The following RFTN1 variants were observed in gnomAD, a reference collection of about 807,000 sequenced individuals.
RFTN1 encodes raftlin.
Under a neutral mutation model 46.5 loss-of-function variants are expected in RFTN1, and 26 were observed. The observed-to-expected ratio is 0.56, with a 90% CI of 0.41 to 0.78. The LOEUF (loss-of-function observed/expected upper bound fraction) is 0.78, where lower values mean the gene tolerates loss of function less well. Among genes scored for constraint, RFTN1 ranks in the 30% least tolerant of loss-of-function variants. The pLI is 0.00. For synonymous variants in RFTN1, 261 were observed against 284.2 expected, an observed-to-expected ratio of 0.92 and a Z score of 0.82; for missense variants, 693 against 718.7, an observed-to-expected ratio of 0.96 and a Z score of 0.41.
chr3:16,476,757 T>C (rs181252669), intron 2 of RFTN1, among the ~76,000 whole-genome samples: 3 of 152,188 alleles, frequency 2.0e-5, no homozygotes, highest in Non-Finnish European at 4.4e-5. Flanking sequence ...TGGGGGAAAC[T>C]GTTTGTTTAC....
At chr3:16,469,576 G>C (rs2076158256) in intron 2 of RFTN1, among the ~76,000 whole-genome samples, 1 of 152,176 alleles carries the variant, frequency 6.6e-6, no homozygotes, top group Non-Finnish European at 1.5e-5. Flanking sequence ...ACGCAAAGTG[G>C]GACTCCAGGA....
intron 8 of RFTN1, among the ~76,000 whole-genome samples, chr3:16,324,604 A>G (rs1386643745): frequency 8.3e-6 from 1 of 121,186 alleles, no homozygotes; most frequent in Non-Finnish European, 1.7e-5. Flanking sequence ...AAATAACAGA[A>G]TGTCCCTGAC....
chr3:16,462,829 A>G (rs1335689098), intron 2 of RFTN1, among the ~76,000 whole-genome samples: 2 of 152,228 alleles, frequency 1.3e-5, no homozygotes, highest in Non-Finnish European at 2.9e-5. Flanking sequence ...TTAAACTACA[A>G]CTTGCAGATG....
chr3:16,483,076 C>CT lies in RFTN1; in HGVS notation c.145+10648dup, dbSNP rs1422254900. Among the ~76,000 whole-genome samples the CT allele has an allele frequency of 1.3e-5, 2 of 152,192 alleles. No homozygotes were observed. The highest frequency in any genetic ancestry group is 4.8e-5 in the African/African-American group (2 of 41,438). ...GAAAAAATGCCATCAACGTCAGTGA[C>CT]TGTATGCTCAGTTCTGCTGAAGAGC... On this transcript the variant is annotated intron_variant, in intron 2 of 9. Coordinates refer to ENST00000334133, the MANE Select transcript of RFTN1 (RefSeq NM_015150.2). The surrounding 1 kb of genome is among the most constrained non-coding windows in gnomAD (Gnocchi z 4.8).
At chr3:16,377,370 G>A (rs2073815266) in intron 5 of RFTN1, among the ~76,000 whole-genome samples, 1 of 152,106 alleles carries the variant, frequency 6.6e-6, no homozygotes, top group Non-Finnish European at 1.5e-5. Context: ...GTTTTCATCG[G>A]TGCCTGGCAG....
chr3:16,328,486 C>T (rs1192939113), intron 7 of RFTN1, among the ~76,000 whole-genome samples: 1 of 152,240 alleles, frequency 6.6e-6, no homozygotes, highest in Non-Finnish European at 1.5e-5. Context: ...TTTAAAGCTT[C>T]TATAACTGGA....
At chr3:16,471,398 C>T (rs963027113) in intron 2 of RFTN1, among the ~76,000 whole-genome samples, 1 of 152,176 alleles carries the variant, frequency 6.6e-6, no homozygotes, top group Non-Finnish European at 1.5e-5. Context: ...AGTTACTTAG[C>T]CTCTCTGGAC....
At position 16,440,276 on chromosome 3, in the gene RFTN1, C is replaced by G. The variant is rs2075596065; in HGVS notation, c.146-6239G>C. ...TGCTCCCACACTGCCACAATCTTGG[C>G]TCACTGAAACCTCCGCCTTCTGGAC... On this transcript the variant is annotated intron_variant, in intron 2 of 9. Coordinates refer to ENST00000334133, the MANE Select transcript of RFTN1 (RefSeq NM_015150.2). This position sits in a 1 kb window ranked among gnomAD's most constrained non-coding sequence, Gnocchi z 4.6. Among the ~76,000 whole-genome samples the G allele has an allele frequency of 6.6e-6, 1 of 152,232 alleles. No individual in the cohort carries two copies. Among genetic ancestry groups the G allele is most frequent in the South Asian group, 2.1e-4 (1 of 4,830 alleles).
At chr3:16,391,259 A>C (rs966163884) in intron 4 of RFTN1, among the ~76,000 whole-genome samples, 1 of 152,222 alleles carries the variant, frequency 6.6e-6, no homozygotes, top group African/African-American at 2.4e-5. Flanking sequence ...ACCTCAGTTT[A>C]ATTCTATTTT....
chr3:16,394,150 TG>T (rs1450995740), intron 4 of RFTN1, among the ~76,000 whole-genome samples: 7 of 151,964 alleles, frequency 4.6e-5, no homozygotes, highest in African/African-American at 1.7e-4. Flanking sequence ...GAGGATCACT[TG>T]AGGCCAGAAA....
intron 7 of RFTN1, among the ~76,000 whole-genome samples, chr3:16,332,838 T>TCTACCTACCTAC (rs10662085): frequency 1.3e-5 from 2 of 151,300 alleles, no homozygotes; most frequent in African/African-American, 4.9e-5. Context: ...CATCGATTTA[T>TCTACCTACCTAC]CTACCTACCT....
At chr3:16,511,698 C>T (rs2076904999) in intron 1 of RFTN1, among the ~76,000 whole-genome samples, 1 of 151,966 alleles carries the variant, frequency 6.6e-6, no homozygotes, top group Non-Finnish European at 1.5e-5. Flanking sequence ...CAGGAACTCA[C>T]ATCACTCATG....
chr3:16,405,970 A>G (rs1359762951), intron 4 of RFTN1, among the ~76,000 whole-genome samples: 3 of 152,192 alleles, frequency 2.0e-5, no homozygotes, highest in Non-Finnish European at 4.4e-5. Flanking sequence ...GCTGCAATTA[A>G]CAAGTGTCAC....
At position 16,457,584 on chromosome 3, in the gene RFTN1, T is replaced by C. The variant is rs1285210356; in HGVS notation, c.146-23547A>G. Reference sequence around the variant, plus strand: ...AAACTTACCTCAAATACCACTTATTTAGTTCTGTAAATTTTAAGTAATAAA... The same window carrying C: ...AAACTTACCTCAAATACCACTTATTCAGTTCTGTAAATTTTAAGTAATAAA... On this transcript the variant is annotated intron_variant, in intron 2 of 9. Transcript: ENST00000334133. The surrounding 1 kb of genome is among the most constrained non-coding windows in gnomAD (Gnocchi z 4.2). Among the ~76,000 whole-genome samples, 1 of 152,244 alleles carries C rather than the reference T, an allele frequency of 6.6e-6. No individual in the cohort carries two copies. Among genetic ancestry groups the C allele is most frequent in the Non-Finnish European group, 1.5e-5 (1 of 68,042 alleles).
chr3:16,447,794 T>C lies in RFTN1; in HGVS notation c.146-13757A>G, dbSNP rs899379198. On this transcript the variant is annotated intron_variant, in intron 2 of 9. Coordinates refer to ENST00000334133, the MANE Select transcript of RFTN1 (RefSeq NM_015150.2). The surrounding 1 kb of genome is among the most constrained non-coding windows in gnomAD (Gnocchi z 5.9). ...CACCGTTGGCACAAGAAGGGAAAGA[T>C]GGATTTTTAATCAGGCAAAGGAATG... 2.6e-5 allele frequency among the ~76,000 whole-genome samples: 4 copies of C among 152,184 alleles called. No homozygotes were observed. The highest frequency in any genetic ancestry group is 4.4e-5 in the Non-Finnish European group (3 of 68,022).
At position 16,380,559 on chromosome 3, in the gene RFTN1, C is replaced by T. The variant is rs1375788685; in HGVS notation, c.442-2457G>A. Among the ~76,000 whole-genome samples the T allele has an allele frequency of 7.2e-5, 11 of 152,220 alleles. No individual in the cohort carries two copies. Among genetic ancestry groups the T allele is most frequent in the African/African-American group, 2.7e-4 (11 of 41,450 alleles). The stretch of plus-strand genomic sequence containing the variant: ...CCATCTTGTACTGCAAATTTATCCT[C>T]TAGGCCAGGGGTTCTCAAAGTGTGG... On this transcript the variant is annotated intron_variant, in intron 4 of 9. Coordinates refer to ENST00000334133, the MANE Select transcript of RFTN1 (RefSeq NM_015150.2). This position sits in a 1 kb window ranked among gnomAD's most constrained non-coding sequence, Gnocchi z 4.8.
chr3:16,345,788 C>CTGTGTGTGTGTGTGTGTG lies in RFTN1; in HGVS notation c.1146+12126_1146+12143dup, dbSNP rs370820242. On this transcript the variant is annotated intron_variant, in intron 7 of 9. Coordinates refer to ENST00000334133, the MANE Select transcript of RFTN1 (RefSeq NM_015150.2). This position sits in a 1 kb window ranked among gnomAD's most constrained non-coding sequence, Gnocchi z 5.2. Reference sequence around the variant, plus strand: ...TGAGCCAAAACCTTATAATAAATCTCTGTGTGTGTGTGTGTGTGTGTGTGT... The same window carrying CTGTGTGTGTGTGTGTGTG: ...TGAGCCAAAACCTTATAATAAATCTCTGTGTGTGTGTGTGTGTGTGTGTGTGTGTGTGTGTGTGTGTGT... Among the ~76,000 whole-genome samples, 195 of 127,194 alleles carry CTGTGTGTGTGTGTGTGTG rather than the reference C, an allele frequency of 1.5e-3. 1 individual carries two copies. The highest frequency in any genetic ancestry group is 3.8e-3 in the African/African-American group (125 of 33,082). The allele number at this position is 127,194 out of a possible 152,430, so 83.4% of individuals were successfully genotyped here. A position where few individuals can be genotyped will look rare whatever the true frequency, so the allele number is the denominator to read the frequency against.
At chr3:16,435,187 C>G (rs752284961) in intron 2 of RFTN1, among the ~76,000 whole-genome samples, 46 of 152,146 alleles carry the variant, frequency 3.0e-4, no homozygotes, top group Non-Finnish European at 6.3e-4. Context: ...CAAAAGTGAA[C>G]AGGTCTATAT....
At chr3:16,510,547 C>T (rs1418521686) in intron 1 of RFTN1, among the ~76,000 whole-genome samples, 1 of 152,196 alleles carries the variant, frequency 6.6e-6, no homozygotes, top group Non-Finnish European at 1.5e-5. Context: ...CCTATAAAAA[C>T]ATGTTCCCCA....
Sources: allele counts gnomAD v4.1 joint callset (sites outside exome capture counted in the v4.1 genomes callset), GRCh38; gene constraint gnomAD v4.1.1; non-coding constraint Gnocchi (gnomAD v3.1); transcripts MANE v1.5; gene names NCBI Gene and HGNC (gene_info 2026-07-23, HGNC 2026-07-21).